Variants in CPLANE1 observed in about 807,000 individuals in gnomAD.
CPLANE1 encodes the protein ciliogenesis and planar polarity effector 1.
In CPLANE1, 263 loss-of-function variants were observed where a neutral mutation model predicts 362.5. That is an observed-to-expected ratio of 0.73 (90% CI 0.66 to 0.80). The LOEUF is 0.80. Ranked by LOEUF, CPLANE1 falls within the 30% of genes least tolerant of loss-of-function variation. The pLI is 0.00. For synonymous variants in CPLANE1, 1,212 were observed against 1,302.6 expected (o/e 0.93, Z 1.50); for missense variants, 3,461 against 3,793.4 (o/e 0.91, Z 2.30).
chr5:37,170,345 A>G lies in CPLANE1; in HGVS notation c.6172-14T>C. The G allele has an allele frequency of 6.3e-7, 1 of 1,596,006 alleles. No individual in the cohort carries two copies. The highest frequency in any genetic ancestry group is 8.5e-7 in the Non-Finnish European group (1 of 1,170,914). ...GATCTGTTGCAGCTTGAATAAAACA[A>G]AAATTGAAGCGATATCTTAAAATAT... is the stretch of plus-strand genomic sequence containing the variant. On this transcript the variant is annotated splice_polypyrimidine_tract_variant and intron_variant, in intron 32 of 52. Coordinates refer to ENST00000651892, the MANE Select transcript of CPLANE1 (RefSeq NM_001384732.1).
intron 12 of CPLANE1, among the ~76,000 whole-genome samples, chr5:37,225,666 A>G (rs1360940101): frequency 6.6e-6 from 1 of 152,058 alleles, no homozygotes; most frequent in Non-Finnish European, 1.5e-5. Context: ...AGCCTGGCCA[A>G]CATGGTGAAA....
At chr5:37,182,430 C>CTCCT (rs1782902337) in intron 26 of CPLANE1, among the ~76,000 whole-genome samples, 2 of 152,196 alleles carry the variant, frequency 1.3e-5, no homozygotes, top group African/African-American at 4.8e-5. Context: ...CCACCTAGTC[C>CTCCT]TCCTTCATCT....
chr5:37,207,781 T>A (rs1388665297), intron 16 of CPLANE1, among the ~76,000 whole-genome samples: 2 of 152,212 alleles, frequency 1.3e-5, no homozygotes, highest in Admixed American at 1.3e-4. Context: ...TCTGTTCATG[T>A]CTACTCTTGC....
rs1317390469 is a variant in CPLANE1 at position 37,107,748 on chromosome 5, C to A, written c.9610G>T (p.Glu3204Ter). 1.2e-6 allele frequency: 2 copies of A among 1,611,196 alleles called. No homozygotes were observed. The highest frequency in any genetic ancestry group is 3.4e-5 in the Admixed American group (2 of 59,672). Residue 3204 changes from glutamate (E) to a stop codon, truncating the protein, a stop_gained, in exon 53 of 53, where the codon GAG becomes TAG. Transcript: ENST00000651892. LOFTEE classifies it high-confidence loss of function. Reference sequence around the variant, plus strand: ...ACACCGCCCACCCCAAAAGGATGCTCTGGCTCTTCCTCTTCAGTTGGAGAC... The same window carrying A: ...ACACCGCCCACCCCAAAAGGATGCTATGGCTCTTCCTCTTCAGTTGGAGAC... ...DLSPTEEEEP[E>*]HPFGVGGVDS... is the part of the protein sequence containing the mutation.
At chr5:37,160,753 G>A (rs1776642120) in intron 38 of CPLANE1, among the ~76,000 whole-genome samples, 1 of 148,588 alleles carries the variant, frequency 6.7e-6, no homozygotes, top group Non-Finnish European at 1.5e-5. Flanking sequence ...CTCACTGCAA[G>A]CTCTGCCTCC....
At chr5:37,095,316 G>A in the CPLANE1 span, among the ~76,000 whole-genome samples, 2 of 152,122 alleles carry the variant, frequency 1.3e-5, no homozygotes, top group Non-Finnish European at 2.9e-5. Context: ...CACATATACA[G>A]AATTAAAAAC....
At chr5:37,191,134 T>C (rs755300950) in intron 21 of CPLANE1, among the ~76,000 whole-genome samples, 2 of 152,150 alleles carry the variant, frequency 1.3e-5, no homozygotes, top group African/African-American at 4.8e-5. Flanking sequence ...GAGAGATTGA[T>C]GATCCTGACC....
intron 49 of CPLANE1, 119 bp downstream of exon 49, chr5:37,121,498 C>A (rs1762615149): frequency 1.1e-6 from 1 of 878,550 alleles, no homozygotes; most frequent in African/African-American, 1.7e-5. Context: ...TTTCCTTTAT[C>A]ATCATAACTC....
chr5:37,111,107 A>C (rs764653408), intron 51 of CPLANE1, among the ~76,000 whole-genome samples: 17 of 137,698 alleles, frequency 1.2e-4, no homozygotes, highest in Non-Finnish European at 2.5e-4. Flanking sequence ...ACGCCCGGCC[A>C]ATGTATTAAC....
intron 18 of CPLANE1, among the ~76,000 whole-genome samples, chr5:37,202,746 T>C (rs1168205456): frequency 6.6e-6 from 1 of 152,132 alleles, no homozygotes; most frequent in Non-Finnish European, 1.5e-5. Flanking sequence ...CTTCTCATCC[T>C]TGTCTGATAT....
intron 24 of CPLANE1, 58 bp from the exon 25 acceptor site, chr5:37,185,137 T>C (rs1336597646): frequency 1.7e-5 from 25 of 1,497,958 alleles, no homozygotes; most frequent in Middle Eastern, 1.8e-4. Context: ...ATTCAAGACA[T>C]AGGAGACCCA....
chr5:37,142,345 A>G lies in CPLANE1; in HGVS notation c.8597T>C (p.Leu2866Pro), dbSNP rs755153238. The change falls in exon 44 of 53, where the codon CTT (leucine) becomes CCT (proline). Residue 2866 changes from leucine (L) to proline (P), a missense_variant. Leu to Pro is a moderately conservative substitution (Grantham distance 98). This residue lies in a region of CPLANE1 where 3,380 missense variants were observed against 3,666.1 expected (regional missense o/e 0.92). Transcript: ENST00000651892. ...AGTATTCTGATCACTGGAACTGGAA[A>G]GGCTGACAGCTGAATCGGCAGTAGG... ...VFPTADSAVS[L>P]SSSSDQNTTS... 1.4e-5 allele frequency: 22 copies of G among 1,605,430 alleles called. No homozygotes were observed. The highest frequency in any genetic ancestry group is 1.7e-5 in the Non-Finnish European group (20 of 1,177,336).
At chr5:37,077,952 T>C in the CPLANE1 span, among the ~76,000 whole-genome samples, 1 of 152,092 alleles carries the variant, frequency 6.6e-6, no homozygotes, top group Non-Finnish European at 1.5e-5. Flanking sequence ...TCTCCCTTTG[T>C]TTGTTGCCCA....
intron 32 of CPLANE1, among the ~76,000 whole-genome samples, chr5:37,171,766 C>CTG (rs1001678161): frequency 6.6e-6 from 1 of 151,312 alleles, no homozygotes; most frequent in African/African-American, 2.4e-5. Context: ...CTCTCTCTCT[C>CTG]TCTCTCTCTC....
the CPLANE1 span, among the ~76,000 whole-genome samples, chr5:37,077,941 A>G: frequency 1.3e-5 from 2 of 151,458 alleles, no homozygotes; most frequent in Non-Finnish European, 1.5e-5. Context: ...TAGAGATGGG[A>G]TCTCCCTTTG....
At chr5:37,084,703 C>T in the CPLANE1 span, among the ~76,000 whole-genome samples, 1 of 151,994 alleles carries the variant, frequency 6.6e-6, no homozygotes, top group Non-Finnish European at 1.5e-5. Context: ...TTGCTTGAAC[C>T]CAGGAGGCAG....
chr5:37,236,180 C>T (rs1481119329), intron 8 of CPLANE1, among the ~76,000 whole-genome samples: 1 of 152,152 alleles, frequency 6.6e-6, no homozygotes, highest in African/African-American at 2.4e-5. Context: ...TCAAATTATA[C>T]TACAAGGCTA....
chr5:37,187,407 A>C lies in CPLANE1; in HGVS notation c.4080+7T>G, dbSNP rs1784378769. On this transcript the variant is annotated splice_region_variant and intron_variant, in intron 23 of 52. Coordinates refer to ENST00000651892, the MANE Select transcript of CPLANE1 (RefSeq NM_001384732.1). ...ATGTAGTTTACTTTCACCTACAAGCACATTACCTTTCTGATTGGTGGCAGT... is the reference window on the plus strand; with the variant it reads ...ATGTAGTTTACTTTCACCTACAAGCCCATTACCTTTCTGATTGGTGGCAGT... 6.2e-7 allele frequency: 1 copy of C among 1,606,046 alleles called. No individual in the cohort carries two copies. The highest frequency in any genetic ancestry group is 8.5e-7 in the Non-Finnish European group (1 of 1,176,816).
chr5:37,092,803 A>G, the CPLANE1 span, among the ~76,000 whole-genome samples: 1 of 152,162 alleles, frequency 6.6e-6, no homozygotes, highest in Non-Finnish European at 1.5e-5. Context: ...CTTTATTCAT[A>G]CTGATCAGTT....
Sources: allele counts gnomAD v4.1 joint callset (sites outside exome capture counted in the v4.1 genomes callset), GRCh38; gene constraint gnomAD v4.1.1; regional missense constraint gnomAD v4.1.1; transcripts MANE v1.5; gene names NCBI Gene and HGNC (gene_info 2026-07-23, HGNC 2026-07-21).